Variants in TBC1D5 observed in about 807,000 individuals in gnomAD.
The protein encoded by TBC1D5 is TBC1 domain family, member 5.
TBC1D5 carries 75 observed loss-of-function variants against 100.3 expected under a neutral mutation model. That is an observed-to-expected ratio of 0.75 (90% CI 0.62 to 0.91). The LOEUF (loss-of-function observed/expected upper bound fraction) is 0.91. Ranked by LOEUF, TBC1D5 falls within the 40% of genes least tolerant of loss-of-function variation. The pLI, the probability that TBC1D5 is intolerant of heterozygous loss-of-function variation, is 0.00. For missense variants in TBC1D5, 910 were observed against 942.4 expected, an observed-to-expected ratio of 0.97 and a Z score of 0.45; for synonymous variants, 323 against 325.6, an observed-to-expected ratio of 0.99 and a Z score of 0.09.
At chr3:17,686,819 T>C (rs1177189901) in intron 1 of TBC1D5, among the ~76,000 whole-genome samples, 1 of 152,176 alleles carries the variant, frequency 6.6e-6, no homozygotes, top group Admixed American at 6.6e-5. Flanking sequence ...GGAGAATTAC[T>C]GACATCTAGT....
intron 3 of TBC1D5, among the ~76,000 whole-genome samples, chr3:17,450,769 T>TTTGATTG (rs2094907591): frequency 6.6e-6 from 1 of 152,156 alleles, no homozygotes; most frequent in South Asian, 2.1e-4. Flanking sequence ...TTGGTATACC[T>TTTGATTG]GAAAGTGATG....
chr3:17,262,097 G>T (rs931023771), intron 15 of TBC1D5, among the ~76,000 whole-genome samples: 2 of 152,100 alleles, frequency 1.3e-5, no homozygotes, highest in African/African-American at 4.8e-5. Context: ...CTTAATGATG[G>T]GGATACGTCC....
intron 15 of TBC1D5, among the ~76,000 whole-genome samples, chr3:17,266,160 TA>T (rs2078825761): frequency 6.6e-6 from 1 of 152,186 alleles, no homozygotes; most frequent in African/African-American, 2.4e-5. Context: ...TGTGGTCTGA[TA>T]TTCACTGATT....
intron 21 of TBC1D5, among the ~76,000 whole-genome samples, chr3:17,161,519 G>A (rs535823371): frequency 3.3e-4 from 50 of 152,366 alleles, no homozygotes; most frequent in Admixed American, 1.4e-3. Flanking sequence ...TGTTTGACAA[G>A]CTTCAGACAG....
intron 2 of TBC1D5, among the ~76,000 whole-genome samples, chr3:17,582,920 A>C (rs547474358): frequency 3.3e-5 from 5 of 152,194 alleles, no homozygotes; most frequent in Non-Finnish European, 2.9e-5. Flanking sequence ...GTAATTCTGG[A>C]GAGAAAACAG....
At chr3:17,449,008 G>C (rs1176145864) in intron 3 of TBC1D5, among the ~76,000 whole-genome samples, 1 of 152,214 alleles carries the variant, frequency 6.6e-6, no homozygotes, top group African/African-American at 2.4e-5. Context: ...CAGAAGGCAG[G>C]TGATTTCTGC....
intron 8 of TBC1D5, among the ~76,000 whole-genome samples, chr3:17,401,071 A>T (rs562428508): frequency 6.6e-6 from 1 of 152,134 alleles, no homozygotes; most frequent in South Asian, 2.1e-4. Context: ...CTTTCCTAAC[A>T]GTTCTGTCCC....
chr3:17,359,668 A>G (rs1428971772), intron 13 of TBC1D5, among the ~76,000 whole-genome samples: 1 of 152,062 alleles, frequency 6.6e-6, no homozygotes, highest in Non-Finnish European at 1.5e-5. Context: ...TCTGGTCACA[A>G]CCTATCAAAG....
At chr3:17,525,765 T>C (rs1281170414) in intron 2 of TBC1D5, among the ~76,000 whole-genome samples, 1 of 135,184 alleles carries the variant, frequency 7.4e-6, no homozygotes, top group Non-Finnish European at 1.5e-5. Flanking sequence ...AGTGTTTTCC[T>C]ACCTCTCTGT....
chr3:17,603,983 T>C (rs904391480), intron 2 of TBC1D5, among the ~76,000 whole-genome samples: 1 of 152,192 alleles, frequency 6.6e-6, no homozygotes. Flanking sequence ...GCTTCTACTT[T>C]ACTGTCAGCT....
intron 2 of TBC1D5, among the ~76,000 whole-genome samples, chr3:17,551,093 C>T (rs1179717874): frequency 6.6e-6 from 1 of 152,000 alleles, no homozygotes; most frequent in South Asian, 2.1e-4. Flanking sequence ...AGTGCATAAA[C>T]ATGCACTCTC....
intron 2 of TBC1D5, among the ~76,000 whole-genome samples, chr3:17,517,659 A>ATAACATCTGGTT (rs1203514195): frequency 6.6e-6 from 1 of 152,226 alleles, no homozygotes; most frequent in African/African-American, 2.4e-5. Flanking sequence ...GTATTTCAGA[A>ATAACATCTGGTT]TAACATCTGG....
intron 3 of TBC1D5, among the ~76,000 whole-genome samples, chr3:17,456,201 A>G (rs1413536613): frequency 7.4e-6 from 1 of 134,662 alleles, no homozygotes; most frequent in Admixed American, 7.0e-5. Context: ...AACTACCACA[A>G]AAAAAAATCT....
chr3:17,619,702 C>T lies in TBC1D5; in HGVS notation c.-36+4147G>A, dbSNP rs1020104135. ...TAAACTAAGAATTCATAAAAGAAAA[C>T]GCTTTCTCAATAGAACTAAAGTACA... On this transcript the variant is annotated intron_variant, in intron 2 of 21. Coordinates refer to ENST00000253692, the Ensembl canonical transcript of TBC1D5. Among the ~76,000 whole-genome samples, 14 of 152,188 alleles carry T rather than the reference C, an allele frequency of 9.2e-5. No homozygotes were observed. The East Asian group carries it at 1.2e-3, about 13-fold the overall frequency.
intron 8 of TBC1D5, among the ~76,000 whole-genome samples, chr3:17,400,542 G>C (rs1257588791): frequency 1.3e-5 from 2 of 152,094 alleles, no homozygotes; most frequent in Non-Finnish European, 2.9e-5. Flanking sequence ...AAGAGAATAA[G>C]ATATGGAACC....
intron 1 of TBC1D5, among the ~76,000 whole-genome samples, chr3:17,705,617 G>C (rs1459771303): frequency 4.9e-4 from 62 of 125,764 alleles, no homozygotes; most frequent in Non-Finnish European, 8.7e-4. Flanking sequence ...ATGGGGCGGC[G>C]GGGCAGAGGC....
chr3:17,626,641 C>T (rs1182045668), intron 1 of TBC1D5, among the ~76,000 whole-genome samples: 1 of 152,038 alleles, frequency 6.6e-6, no homozygotes, highest in Non-Finnish European at 1.5e-5. Context: ...AAAGACTTCA[C>T]AGAGGGGGCA....
chr3:17,727,065 T>G (rs2076186966), intron 1 of TBC1D5, among the ~76,000 whole-genome samples: 1 of 152,036 alleles, frequency 6.6e-6, no homozygotes, highest in South Asian at 2.1e-4. Context: ...CTACTGATTG[T>G]CCCCCCACTA....
chr3:17,367,341 C>T (rs543339768), intron 13 of TBC1D5, among the ~76,000 whole-genome samples: 9 of 152,178 alleles, frequency 5.9e-5, no homozygotes, highest in Admixed American at 2.6e-4. Context: ...ATTTTAGATG[C>T]TTTTGCACAA....
Sources: gnomAD v4.1 joint callset for allele counts (sites outside exome capture counted in the v4.1 genomes callset) on GRCh38, gnomAD v4.1.1 for gene constraint, MANE v1.5 for transcripts, NCBI Gene and HGNC (gene_info 2026-07-23, HGNC 2026-07-21) for gene names.